Variants in CHRNA7 observed in about 807,000 individuals in gnomAD.
CHRNA7 encodes the protein cholinergic receptor nicotinic alpha 7 subunit.
Under a neutral mutation model 48.0 loss-of-function variants are expected in CHRNA7, and 17 were observed. The ratio of observed to expected loss-of-function variants is 0.35; its 90% CI spans 0.24 to 0.53. The LOEUF (loss-of-function observed/expected upper bound fraction) is 0.53, where lower values mean the gene tolerates loss of function less well. CHRNA7 is among the 20% of genes least tolerant of loss of function. CHRNA7 has a pLI of 0.92. For missense variants in CHRNA7, 155 were observed against 577.7 expected (o/e 0.27, Z 7.50); for synonymous variants, 75 against 242.3 (o/e 0.31, Z 6.41).
intron 2 of CHRNA7, among the ~76,000 whole-genome samples, chr15:32,073,707 A>G (rs1258309031): frequency 6.6e-6 from 1 of 152,236 alleles, no homozygotes; most frequent in African/African-American, 2.4e-5. Flanking sequence ...AAGTTCATGC[A>G]AGAACTGGGT....
intron 2 of CHRNA7, among the ~76,000 whole-genome samples, chr15:32,073,430 G>T (rs927273548): frequency 6.6e-6 from 1 of 152,200 alleles, no homozygotes; most frequent in Admixed American, 6.5e-5. Flanking sequence ...TTGAGCCTTA[G>T]ATGAAACTTT....
chr15:32,057,581 C>A (rs2049807782), intron 2 of CHRNA7, among the ~76,000 whole-genome samples: 1 of 152,150 alleles, frequency 6.6e-6, no homozygotes, highest in South Asian at 2.1e-4. Context: ...GCTTTAAAAA[C>A]ATTCTTTTTA....
At chr15:32,073,174 C>T (rs1431111278) in intron 2 of CHRNA7, among the ~76,000 whole-genome samples, 4 of 152,176 alleles carry the variant, frequency 2.6e-5, no homozygotes, top group African/African-American at 9.7e-5. Context: ...GCCTTGGGAG[C>T]TCACCTCTCA....
At chr15:32,140,779 T>C (rs1408885139) in intron 4 of CHRNA7, among the ~76,000 whole-genome samples, 1 of 152,244 alleles carries the variant, frequency 6.6e-6, no homozygotes, top group Non-Finnish European at 1.5e-5. Flanking sequence ...GTTGTTTTTT[T>C]CTTGTAAATT....
Position 32,053,176 on chromosome 15 carries a change from G to A in CHRNA7, c.195+22139G>A, listed in dbSNP as rs529954179. On this transcript the variant is annotated intron_variant, in intron 2 of 9. Transcript: ENST00000306901. ...AATCTGTATAGACTGAGAATTGTAA[G>A]CACTTTTACTAAAGGAATCTTTCTT... Among the ~76,000 whole-genome samples, 94 of 152,278 alleles carry A rather than the reference G, an allele frequency of 6.2e-4. No homozygotes were observed. The Middle Eastern group carries it at 0.017, about 28-fold the overall frequency.
chr15:32,138,039 A>C (rs972616054), intron 4 of CHRNA7, among the ~76,000 whole-genome samples: 1 of 152,240 alleles, frequency 6.6e-6, no homozygotes, highest in African/African-American at 2.4e-5. Flanking sequence ...AAGTTATAAA[A>C]TATAACATTA....
chr15:32,038,843 A>G (rs1262890140), intron 2 of CHRNA7, among the ~76,000 whole-genome samples: 1 of 152,198 alleles, frequency 6.6e-6, no homozygotes, highest in African/African-American at 2.4e-5. Flanking sequence ...GATAATTGGT[A>G]TAATTTCTTT....
chr15:32,095,918 T>C (rs2050461302), intron 2 of CHRNA7, among the ~76,000 whole-genome samples: 1 of 152,222 alleles, frequency 6.6e-6, no homozygotes, highest in African/African-American at 2.4e-5. Flanking sequence ...GAAACTGAAA[T>C]CCAACCCCCT....
chr15:32,066,312 C>T (rs1293747982), intron 2 of CHRNA7, among the ~76,000 whole-genome samples: 5 of 150,004 alleles, frequency 3.3e-5, no homozygotes, highest in African/African-American at 1.2e-4. Context: ...GATGGAGTCT[C>T]ACTCTGTCGC....
chr15:32,151,209 A>G (rs1229192212), intron 4 of CHRNA7, among the ~76,000 whole-genome samples: 2 of 152,102 alleles, frequency 1.3e-5, no homozygotes, highest in Non-Finnish European at 2.9e-5. Flanking sequence ...TCAGCTCATT[A>G]TATCTCCTCT....
Position 32,112,364 on chromosome 15 carries a change from G to A in CHRNA7, c.350+465G>A, listed in dbSNP as rs770933057. On this transcript the variant is annotated intron_variant, in intron 4 of 9. Transcript: ENST00000306901. ...AGTTCTGTGGCAGAGATGGCTGCAG[G>A]TGAGCGTGAGGACTGTCATCTCTAG... 3.1e-5 allele frequency: 14 copies of A among 457,062 alleles called. No homozygotes were observed. The Middle Eastern group carries it at 9.7e-4, about 32-fold the overall frequency. 28.3% of individuals were successfully genotyped at this position (457,062 alleles called of 1,614,324 possible). A position where few individuals can be genotyped will look rare whatever the true frequency, so the allele number is the denominator to read the frequency against.
chr15:32,103,365 G>A (rs28538494), intron 3 of CHRNA7: 27,578 of 147,120 alleles, frequency 0.19, 2,617 homozygotes, highest in Middle Eastern at 0.24. Context: ...AGCTGAGATT[G>A]CACCACTGCA....
chr15:32,100,752 G>A (rs2050556790), intron 2 of CHRNA7: 2 of 155,122 alleles, frequency 1.3e-5, no homozygotes, highest in Admixed American at 1.3e-4. Flanking sequence ...CCTCCTAGAA[G>A]TTAGAGGTTG....
chr15:32,045,893 C>T (rs567534669), intron 2 of CHRNA7, among the ~76,000 whole-genome samples: 1 of 146,304 alleles, frequency 6.8e-6, no homozygotes, highest in Non-Finnish European at 1.5e-5. Context: ...TGTTCAATTC[C>T]CATCTATGAG....
chr15:32,134,933 G>A (rs905932718), intron 4 of CHRNA7, among the ~76,000 whole-genome samples: 2 of 152,236 alleles, frequency 1.3e-5, no homozygotes, highest in African/African-American at 4.8e-5. Flanking sequence ...ATGGAAAGTA[G>A]GAAAGAATGA....
chr15:32,034,932 G>A (rs1410497198), intron 2 of CHRNA7, among the ~76,000 whole-genome samples: 1 of 152,178 alleles, frequency 6.6e-6, no homozygotes, highest in East Asian at 1.9e-4. Context: ...TGTGAGACGG[G>A]TCAGAGAGGA....
chr15:32,052,869 A>G lies in CHRNA7; in HGVS notation c.195+21832A>G, dbSNP rs996677684. 1.4e-4 allele frequency among the ~76,000 whole-genome samples: 22 copies of G among 152,354 alleles called. 2 individuals are homozygous for G. Among genetic ancestry groups the G allele is most frequent in the Admixed American group, 8.5e-4 (13 of 15,308 alleles). ...TATTGTACATTTCAAAATAACTAGA[A>G]GAGCAGACTTGTAATTTTCCCAACA... On this transcript the variant is annotated intron_variant, in intron 2 of 9. Transcript: ENST00000306901.
At chr15:32,094,484 G>A (rs1042195084) in intron 2 of CHRNA7, among the ~76,000 whole-genome samples, 11 of 152,100 alleles carry the variant, frequency 7.2e-5, no homozygotes, top group Non-Finnish European at 1.5e-4. Flanking sequence ...ATTAGAAACA[G>A]AAAACCAACC....
At chr15:32,066,776 A>G (rs537319791) in intron 2 of CHRNA7, among the ~76,000 whole-genome samples, 1 of 152,352 alleles carries the variant, frequency 6.6e-6, no homozygotes, top group African/African-American at 2.4e-5. Flanking sequence ...AATGCAGTAA[A>G]CACTGTCTAA....
Sources: allele counts gnomAD v4.1 joint callset (sites outside exome capture counted in the v4.1 genomes callset), GRCh38; gene constraint gnomAD v4.1.1; transcripts MANE v1.5; gene names NCBI Gene and HGNC (gene_info 2026-07-23, HGNC 2026-07-21).